Variants in BTBD8 observed in about 807,000 individuals in gnomAD.
BTBD8 encodes BTB/POZ domain-containing protein 8.
A neutral mutation model predicts 162.9 loss-of-function variants in BTBD8; 110 were observed. The ratio of observed to expected loss-of-function variants is 0.68; its 90% CI spans 0.58 to 0.79. The LOEUF (loss-of-function observed/expected upper bound fraction) is 0.79, where lower values mean the gene tolerates loss of function less well. BTBD8 is among the 30% of genes least tolerant of loss of function. The probability of loss-of-function intolerance (pLI) is 0.00; values close to 1 mark genes in which losing one functional copy is unlikely to be tolerated. For synonymous variants in BTBD8, 667 were observed against 716.1 expected, an observed-to-expected ratio of 0.93 and a Z score of 1.10; for missense variants, 1,905 against 2,085.4, an observed-to-expected ratio of 0.91 and a Z score of 1.68.
chr1:92,162,927 A>G (rs1390325076), intron 9 of BTBD8, among the ~76,000 whole-genome samples: 1 of 152,214 alleles, frequency 6.6e-6, no homozygotes, highest in Non-Finnish European at 1.5e-5. Flanking sequence ...GAAACAATGT[A>G]AATGTCTTTA....
Position 92,180,650 on chromosome 1 carries a change from A to G in BTBD8, c.2967A>G (p.Lys989=). The G allele has an allele frequency of 6.4e-7, 1 of 1,551,182 alleles. No individual in the cohort carries two copies. Among genetic ancestry groups the G allele is most frequent in the Non-Finnish European group, 8.7e-7 (1 of 1,146,848 alleles). ...GTGTTTCTGAACAGAAGCCTCACAAACCTCTCATTAATCTTGCATCTGAAA... is the reference window on the plus strand; with the variant it reads ...GTGTTTCTGAACAGAAGCCTCACAAGCCTCTCATTAATCTTGCATCTGAAA... ...KDSVSEQKPH[K]PLINLASEIS... Residue 989 remains lysine, a synonymous_variant, in exon 17 of 18, where the codon AAA becomes AAG. Coordinates refer to ENST00000636805, the MANE Select transcript of BTBD8 (RefSeq NM_001376131.1).
In BTBD8 at chr1:92,084,734, C is replaced by T. The variant is rs78263217; in HGVS notation, c.150-3964C>T. 9.1e-3 allele frequency among the ~76,000 whole-genome samples: 1,381 copies of T among 152,298 alleles called. 17 individuals are homozygous for T. The highest frequency in any genetic ancestry group is 0.031 in the African/African-American group (1,298 of 41,562). On this transcript the variant is annotated intron_variant, in intron 1 of 17. Coordinates refer to ENST00000636805, the MANE Select transcript of BTBD8 (RefSeq NM_001376131.1). Reference sequence around the variant, plus strand: ...TTTGCTGGCTCTGGGTCTCTTCAGCCTCTGGAGCCTGGTGCCTTCCCTACT... The same window carrying T: ...TTTGCTGGCTCTGGGTCTCTTCAGCTTCTGGAGCCTGGTGCCTTCCCTACT...
In BTBD8 at chr1:92,129,171, G is replaced by GA. The variant is rs1182733523; in HGVS notation, c.663-507dup. Among the ~76,000 whole-genome samples, 4 of 149,650 alleles carry GA rather than the reference G, an allele frequency of 2.7e-5. No homozygotes were observed. In the East Asian group the frequency reaches 5.9e-4, roughly 22 times the overall value. Reference sequence around the variant, plus strand: ...CTTAAAAAATTAAAGAACCTTCAAAGAAAAAAAAAGACAGCAAGGGCATTG... The same window carrying GA: ...CTTAAAAAATTAAAGAACCTTCAAAGAAAAAAAAAAGACAGCAAGGGCATTG... On this transcript the variant is annotated intron_variant, in intron 4 of 17. Coordinates refer to ENST00000636805, the MANE Select transcript of BTBD8 (RefSeq NM_001376131.1).
chr1:92,115,146 A>G, intron 4 of BTBD8: 1 of 513,740 alleles, frequency 1.9e-6, no homozygotes, highest in Non-Finnish European at 3.9e-6. Context: ...CTTGGGGATG[A>G]CCTTGCCCAC....
rs763793165 is a variant in BTBD8, at chr1:92,102,654, G to T, written c.529G>T (p.Asp177Tyr). 1.3e-6 allele frequency: 2 copies of T among 1,483,068 alleles called. No homozygotes were observed. Among genetic ancestry groups the T allele is most frequent in the Non-Finnish European group, 1.8e-6 (2 of 1,113,000 alleles). 91.9% of individuals were successfully genotyped at this position (1,483,068 alleles called of 1,614,324 possible). ...AGAGGATATCAGTGACAGAGATGAT[G>T]ATTTCATTTCCAATGGTGAGGTATT... ...IPEDISDRDD[D>Y]FISNDNYDLE... The change falls in exon 3 of 18, where the codon GAT becomes TAT. Residue 177 changes from aspartate to tyrosine, a missense_variant. Asp to Tyr is a radical substitution (Grantham distance 160, BLOSUM62 -3). This residue lies in a region of BTBD8 where 1,374 missense variants were observed against 1,442.7 expected (regional missense o/e 0.95). Coordinates refer to ENST00000636805, the MANE Select transcript of BTBD8 (RefSeq NM_001376131.1).
At chr1:92,157,497 T>C (rs1650187071) in intron 9 of BTBD8, among the ~76,000 whole-genome samples, 1 of 152,146 alleles carries the variant, frequency 6.6e-6, no homozygotes, top group African/African-American at 2.4e-5. Flanking sequence ...ATTATTCTTA[T>C]TTACTTATTT....
At position 92,182,158 on chromosome 1, in the gene BTBD8, G is replaced by C; in HGVS notation, c.4475G>C (p.Ser1492Thr). ...RTCYSRFSRE[S>T]EDNILECKQN... ...TGCTATTCCAGATTCTCACGAGAAAGTGAAGATAATATTTTAGAATGTAAA... is the reference window on the plus strand; with the variant it reads ...TGCTATTCCAGATTCTCACGAGAAACTGAAGATAATATTTTAGAATGTAAA... Residue 1492 changes from serine to threonine, a missense_variant, in exon 17 of 18, where the codon AGT becomes ACT. Around this residue, in one of 3 missense-constraint regions of BTBD8, gnomAD observed 517 missense variants for 606.6 expected, o/e 0.85. Coordinates refer to ENST00000636805, the MANE Select transcript of BTBD8 (RefSeq NM_001376131.1). 1 of 1,551,070 alleles carries C rather than the reference G, an allele frequency of 6.4e-7. No homozygotes were observed.
chr1:92,116,953 A>T (rs1240874718), intron 4 of BTBD8, among the ~76,000 whole-genome samples: 1 of 151,118 alleles, frequency 6.6e-6, no homozygotes, highest in African/African-American at 2.4e-5. Flanking sequence ...GGCTCAAGTG[A>T]TCCTCTGGCC....
intron 9 of BTBD8, among the ~76,000 whole-genome samples, chr1:92,163,181 C>T (rs937548210): frequency 2.6e-5 from 4 of 151,340 alleles, no homozygotes; most frequent in East Asian, 1.9e-4. Context: ...GGTGAAACCC[C>T]GTCTCTACTA....
At chr1:92,139,210 G>T in intron 5 of BTBD8, 140 bp from the exon 6 acceptor site, 1 of 798,712 alleles carries the variant, frequency 1.3e-6, no homozygotes. Flanking sequence ...TACCTGCATG[G>T]ATGTTATTTG....
chr1:92,101,923 C>G (rs1557440252), intron 2 of BTBD8, among the ~76,000 whole-genome samples: 1 of 152,162 alleles, frequency 6.6e-6, no homozygotes, highest in Non-Finnish European at 1.5e-5. Flanking sequence ...CTCTTGAACT[C>G]CTGAGCTCAA....
At chr1:92,134,895 AT>A (rs11375777) in intron 5 of BTBD8, among the ~76,000 whole-genome samples, 23 of 144,402 alleles carry the variant, frequency 1.6e-4, no homozygotes, top group Non-Finnish European at 1.8e-4. Context: ...TAATTAATTA[AT>A]TTTTTTTTTT....
intron 4 of BTBD8, among the ~76,000 whole-genome samples, chr1:92,118,282 CTTTTTTTT>C (rs3040583): frequency 8.2e-6 from 1 of 122,312 alleles, no homozygotes; most frequent in Non-Finnish European, 1.7e-5. Context: ...TTCAGACTTT[CTTTTTTTT>C]TTTTTTTTTT....
rs762423196 is a variant in BTBD8 at position 92,141,127 on chromosome 1, T to A, written c.846T>A (p.Asn282Lys). Reference protein sequence around the residue: ...PDKTNVGQILNMADMYGLEGL... With the variant: ...PDKTNVGQILKMADMYGLEGL... ...ATTTTTATTTTAGTCAGATACTCAA[T>A]ATGGCTGATATGTATGGACTAGAAG... Residue 282 changes from asparagine (N) to lysine (K), a missense_variant, in exon 7 of 18, where the codon AAT (asparagine) becomes AAA (lysine). Physicochemically the swap from Asn to Lys is moderately conservative, Grantham distance 94. Around this residue, in one of 3 missense-constraint regions of BTBD8, gnomAD observed 1,374 missense variants for 1,442.7 expected, o/e 0.95. Coordinates refer to ENST00000636805, the MANE Select transcript of BTBD8 (RefSeq NM_001376131.1). 6.4e-7 allele frequency: 1 copy of A among 1,561,514 alleles called. No homozygotes were observed. The highest frequency in any genetic ancestry group is 2.0e-5 in the Admixed American group (1 of 50,244).
intron 5 of BTBD8, among the ~76,000 whole-genome samples, chr1:92,135,615 C>G (rs958573274): frequency 6.6e-6 from 1 of 152,064 alleles, no homozygotes; most frequent in Non-Finnish European, 1.5e-5. Flanking sequence ...GTCAGTTGAT[C>G]ATGTCTTATA....
intron 2 of BTBD8, among the ~76,000 whole-genome samples, chr1:92,091,824 A>G (rs773901150): frequency 9.2e-5 from 14 of 152,222 alleles, no homozygotes; most frequent in Middle Eastern, 3.4e-3. Context: ...GTTAATTGCC[A>G]TGTATTGCGT....
chr1:92,168,986 AT>A lies in BTBD8; in HGVS notation c.1565del (p.Ile522ThrfsTer35). On this transcript the variant is annotated frameshift_variant, in exon 12 of 18. Transcript: ENST00000636805. LOFTEE classifies it high-confidence loss of function. ...GATGAGCACAGATGATCAACAGAAA[AT>A]CCAAGCAGGTACGTTAGCCTTGAGA... ...KLMSTDDQQK[I>X]QAAAFDKGDD... 1 of 1,528,154 alleles carries A rather than the reference AT, an allele frequency of 6.5e-7. No homozygotes were observed. The highest frequency in any genetic ancestry group is 8.9e-7 in the Non-Finnish European group (1 of 1,129,214). 94.7% of individuals were successfully genotyped at this position (1,528,154 alleles called of 1,614,324 possible). A position where few individuals can be genotyped will look rare whatever the true frequency, so the allele number is the denominator to read the frequency against.
chr1:92,082,981 T>C (rs769435411), intron 1 of BTBD8, among the ~76,000 whole-genome samples: 1 of 152,004 alleles, frequency 6.6e-6, no homozygotes, highest in Non-Finnish European at 1.5e-5. Context: ...AAGAGGAAAC[T>C]GAATGTTAAA....
chr1:92,181,821 T>G lies in BTBD8; in HGVS notation c.4138T>G (p.Ser1380Ala). ...QFAQEIDQVSSSADETEDERS... is the reference protein window; with the variant it reads ...QFAQEIDQVSASADETEDERS... ...TGCTCAGGAAATAGATCAGGTATCT[T>G]CTTCAGCAGATGAAACAGAAGATGA... is the stretch of plus-strand genomic sequence containing the variant. The change falls in exon 17 of 18, where the codon TCT becomes GCT. Residue 1380 changes from serine to alanine, a missense_variant. Around this residue, in one of 3 missense-constraint regions of BTBD8, gnomAD observed 517 missense variants for 606.6 expected, o/e 0.85. Coordinates refer to ENST00000636805, the MANE Select transcript of BTBD8 (RefSeq NM_001376131.1). 6.4e-7 allele frequency: 1 copy of G among 1,551,164 alleles called. No individual in the cohort carries two copies. The highest frequency in any genetic ancestry group is 8.7e-7 in the Non-Finnish European group (1 of 1,146,920).
Sources: allele counts gnomAD v4.1 joint callset (sites outside exome capture counted in the v4.1 genomes callset), GRCh38; gene constraint gnomAD v4.1.1; regional missense constraint gnomAD v4.1.1; transcripts MANE v1.5; gene names NCBI Gene and HGNC (gene_info 2026-07-23, HGNC 2026-07-21).